Variants in ZNF385B observed in about 807,000 individuals in gnomAD.
ZNF385B encodes the protein zinc finger protein 385B.
ZNF385B carries 23 observed loss-of-function variants against 39.2 expected under a neutral mutation model. That is an observed-to-expected ratio of 0.59 (90% CI 0.42 to 0.83). The LOEUF (loss-of-function observed/expected upper bound fraction) is 0.83, where lower values mean the gene tolerates loss of function less well. Ranked by LOEUF, ZNF385B falls within the 40% of genes least tolerant of loss-of-function variation. The pLI is 0.00. For synonymous variants in ZNF385B, 205 were observed against 222.6 expected (o/e 0.92, Z 0.70); for missense variants, 552 against 598.9 (o/e 0.92, Z 0.82).
At chr2:179,734,549 T>C (rs2367798) in intron 3 of ZNF385B, among the ~76,000 whole-genome samples, 13,949 of 152,246 alleles carry the variant, frequency 0.092, 719 homozygotes, top group Non-Finnish European at 0.11. Context: ...AAATAAAGTA[T>C]TGAGTTCTGC....
At chr2:179,781,045 T>C (rs1167417180) in intron 1 of ZNF385B, among the ~76,000 whole-genome samples, 1 of 152,204 alleles carries the variant, frequency 6.6e-6, no homozygotes, top group Non-Finnish European at 1.5e-5. Context: ...CATTTTCATA[T>C]TACAAAACTA....
chr2:179,594,021 C>A (rs11692462), intron 3 of ZNF385B, among the ~76,000 whole-genome samples: 24,368 of 151,946 alleles, frequency 0.16, 2,346 homozygotes, highest in African/African-American at 0.25. Context: ...AGGCAGACTT[C>A]TTTCAACTTT....
In ZNF385B at chr2:179,506,992, G is replaced by C. The variant is rs2057300504; in HGVS notation, c.552+11536C>G. On this transcript the variant is annotated intron_variant, in intron 5 of 9. Transcript: ENST00000410066. ...CTTAACAGGGTCATATATTCTCCGG[G>C]GTCCTTGTCATTGACATGTTTTCTA... Among the ~76,000 whole-genome samples the C allele has an allele frequency of 2.0e-5, 3 of 151,856 alleles. No individual in the cohort carries two copies. In the South Asian group the frequency reaches 6.2e-4, roughly 32 times the overall value.
intron 3 of ZNF385B, among the ~76,000 whole-genome samples, chr2:179,734,212 T>G (rs1372119785): frequency 1.3e-5 from 2 of 152,224 alleles, no homozygotes; most frequent in East Asian, 3.8e-4. Flanking sequence ...AAAATCTTTA[T>G]GTATATGTAT....
chr2:179,520,419 T>C (rs903232099), intron 4 of ZNF385B, among the ~76,000 whole-genome samples: 1 of 152,144 alleles, frequency 6.6e-6, no homozygotes, highest in African/African-American at 2.4e-5. Flanking sequence ...ACTGATTGTA[T>C]TAAATTTTAT....
chr2:179,537,306 AAAAAAAAAAATAAAT>A (rs1320409989), intron 4 of ZNF385B, among the ~76,000 whole-genome samples: 20 of 135,278 alleles, frequency 1.5e-4, no homozygotes, highest in Non-Finnish European at 2.7e-4. Flanking sequence ...TCTGTCTCAA[AAAAAAAAAAATAAAT>A]AAAAAAAAAA....
intron 3 of ZNF385B, among the ~76,000 whole-genome samples, chr2:179,683,568 C>A (rs1013502144): frequency 2.0e-5 from 3 of 151,412 alleles, no homozygotes; most frequent in Admixed American, 6.6e-5. Flanking sequence ...ATCTGCCTCC[C>A]GGGTTCAAGT....
At position 179,763,738 on chromosome 2, in the gene ZNF385B, T is replaced by C. The variant is rs569292581; in HGVS notation, c.298+5765A>G. Among the ~76,000 whole-genome samples the C allele has an allele frequency of 2.0e-5, 3 of 152,296 alleles. No homozygotes were observed. In the South Asian group the frequency reaches 6.2e-4, roughly 32 times the overall value. Reference sequence around the variant, plus strand: ...TTTTCCTTTGAGACTTCTTCTTTGATTCATAGATTATTTAAGAGATATATT... The same window carrying C: ...TTTTCCTTTGAGACTTCTTCTTTGACTCATAGATTATTTAAGAGATATATT... On this transcript the variant is annotated intron_variant, in intron 3 of 9. Coordinates refer to ENST00000410066, the MANE Select transcript of ZNF385B (RefSeq NM_152520.6).
chr2:179,561,432 G>A (rs1196202871), intron 3 of ZNF385B, among the ~76,000 whole-genome samples: 2 of 152,066 alleles, frequency 1.3e-5, no homozygotes, highest in African/African-American at 4.8e-5. Flanking sequence ...CAAGTCCACT[G>A]AACCCTCAGT....
chr2:179,817,062 CGAA>C (rs1213956252), intron 1 of ZNF385B, among the ~76,000 whole-genome samples: 2 of 152,136 alleles, frequency 1.3e-5, no homozygotes, highest in Admixed American at 6.5e-5. Context: ...TGTTGAAAAT[CGAA>C]GAAGGACAAA....
At chr2:179,493,645 ATGCG>A (rs374488623) in intron 5 of ZNF385B, among the ~76,000 whole-genome samples, 3,122 of 111,876 alleles carry the variant, frequency 0.028, 404 homozygotes, top group Admixed American at 0.058. Flanking sequence ...GTATACACAT[ATGCG>A]TATACATATA....
intron 3 of ZNF385B, among the ~76,000 whole-genome samples, chr2:179,697,414 T>C (rs1394839379): frequency 6.6e-6 from 1 of 152,226 alleles, no homozygotes; most frequent in Non-Finnish European, 1.5e-5. Context: ...GCACTTCTCC[T>C]TCCTGCTGCC....
chr2:179,859,504 G>C (rs1378867165), intron 1 of ZNF385B, among the ~76,000 whole-genome samples: 3 of 152,068 alleles, frequency 2.0e-5, no homozygotes, highest in Non-Finnish European at 4.4e-5. Context: ...TTCCAACATG[G>C]ACAGTAATTT....
At chr2:179,474,504 T>C (rs1446066693) in intron 6 of ZNF385B, among the ~76,000 whole-genome samples, 1 of 152,174 alleles carries the variant, frequency 6.6e-6, no homozygotes, top group Admixed American at 6.6e-5. Flanking sequence ...TGGGCCATTG[T>C]TTTCCCCTCT....
At chr2:179,773,986 G>T (rs1704159998) in intron 1 of ZNF385B, among the ~76,000 whole-genome samples, 2 of 152,096 alleles carry the variant, frequency 1.3e-5, no homozygotes, top group Admixed American at 6.6e-5. Flanking sequence ...AGCGGGATGG[G>T]AGGTGAGTGT....
chr2:179,575,767 G>A (rs1444663372), intron 3 of ZNF385B, among the ~76,000 whole-genome samples: 1 of 151,090 alleles, frequency 6.6e-6, no homozygotes, highest in Non-Finnish European at 1.5e-5. Flanking sequence ...ATGCCCAAGT[G>A]TTTTGGTATT....
At chr2:179,792,293 G>GC (rs1032753936) in intron 1 of ZNF385B, among the ~76,000 whole-genome samples, 2 of 151,530 alleles carry the variant, frequency 1.3e-5, no homozygotes, top group Non-Finnish European at 2.9e-5. Context: ...ATTTGTGTGT[G>GC]CCTTTTCTGA....
At chr2:179,521,775 T>C (rs4894107) in intron 4 of ZNF385B, among the ~76,000 whole-genome samples, 114,213 of 151,990 alleles carry the variant, frequency 0.75, 43,293 homozygotes, top group East Asian at 0.91. Flanking sequence ...CACAGCCCTT[T>C]TACACTTTCT....
intron 3 of ZNF385B, among the ~76,000 whole-genome samples, chr2:179,754,869 T>C (rs1203846528): frequency 5.9e-5 from 9 of 152,222 alleles, no homozygotes; most frequent in African/African-American, 2.2e-4. Flanking sequence ...TTGTTGATCT[T>C]TTCAAAAAAC....
Sources: allele counts gnomAD v4.1 joint callset (sites outside exome capture counted in the v4.1 genomes callset), GRCh38; gene constraint gnomAD v4.1.1; transcripts MANE v1.5; gene names NCBI Gene and HGNC (gene_info 2026-07-23, HGNC 2026-07-21).